SOX5: variants seen among roughly 807,000 people sequenced by gnomAD.
The protein encoded by SOX5 is SRY-box transcription factor 5.
A neutral mutation model predicts 92.0 loss-of-function variants in SOX5; 9 were observed. The ratio of observed to expected loss-of-function variants is 0.10; its 90% CI spans 0.06 to 0.17. SOX5 has a LOEUF of 0.17. Ranked by LOEUF, SOX5 falls within the 10% of genes least tolerant of loss-of-function variation. The probability of loss-of-function intolerance (pLI) is 1.00; values close to 1 mark genes in which losing one functional copy is unlikely to be tolerated. For synonymous variants in SOX5, 344 were observed against 336.3 expected (o/e 1.02, Z -0.25); for missense variants, 642 against 944.5 (o/e 0.68, Z 4.20).
At chr12:23,873,315 A>T (rs2096894322) in intron 2 of SOX5, among the ~76,000 whole-genome samples, 1 of 147,894 alleles carries the variant, frequency 6.8e-6, no homozygotes, top group Non-Finnish European at 1.5e-5. Flanking sequence ...CAAAAAAAAA[A>T]GCAGAAAATA....
chr12:24,299,639 T>G (rs900012436), intron 2 of SOX5, among the ~76,000 whole-genome samples: 7 of 152,206 alleles, frequency 4.6e-5, no homozygotes, highest in Non-Finnish European at 8.8e-5. Context: ...GTTTATGTGG[T>G]AGCATTTTTG....
At chr12:23,848,330 C>T (rs563523078) in intron 2 of SOX5, among the ~76,000 whole-genome samples, 4 of 152,254 alleles carry the variant, frequency 2.6e-5, no homozygotes, top group African/African-American at 9.6e-5. Flanking sequence ...CTTTCTACAC[C>T]TTTCAAAGAG....
At chr12:23,985,325 T>C (rs1949966063) in intron 4 of SOX5, among the ~76,000 whole-genome samples, 1 of 152,044 alleles carries the variant, frequency 6.6e-6, no homozygotes. Flanking sequence ...CAAGGTTCAC[T>C]GTAGCCTCAA....
intron 2 of SOX5, among the ~76,000 whole-genome samples, chr12:23,854,076 A>T (rs1221081241): frequency 2.0e-5 from 3 of 152,110 alleles, no homozygotes; most frequent in Non-Finnish European, 4.4e-5. Flanking sequence ...ATGTGTCTGA[A>T]GGAAGAAATA....
intron 4 of SOX5, among the ~76,000 whole-genome samples, chr12:24,117,399 G>T (rs1397985804): frequency 2.0e-5 from 3 of 152,116 alleles, no homozygotes; most frequent in Non-Finnish European, 4.4e-5. Context: ...AGAACAGTAT[G>T]GAGGTTCCTC....
At chr12:24,116,356 T>C (rs1377175846) in intron 4 of SOX5, among the ~76,000 whole-genome samples, 1 of 152,104 alleles carries the variant, frequency 6.6e-6, no homozygotes, top group Non-Finnish European at 1.5e-5. Flanking sequence ...ATTAAACAAA[T>C]GTAGCAATTG....
intron 4 of SOX5, among the ~76,000 whole-genome samples, chr12:23,956,951 A>T (rs1946358734): frequency 6.7e-6 from 1 of 149,992 alleles, no homozygotes; most frequent in Non-Finnish European, 1.5e-5. Flanking sequence ...TACAGGCATG[A>T]GCCACCATGC....
chr12:24,463,553 T>C (rs887694341), intron 1 of SOX5, among the ~76,000 whole-genome samples: 1 of 152,236 alleles, frequency 6.6e-6, no homozygotes, highest in Non-Finnish European at 1.5e-5. Flanking sequence ...AATAAACCTG[T>C]GGCTTCATAA....
At chr12:24,158,889 A>G (rs1162560603) in intron 4 of SOX5, among the ~76,000 whole-genome samples, 1 of 151,894 alleles carries the variant, frequency 6.6e-6, no homozygotes, top group East Asian at 1.9e-4. Context: ...TAAATTTTTG[A>G]GATGTTCTTA....
At chr12:24,067,702 T>C (rs1441813682) in intron 4 of SOX5, among the ~76,000 whole-genome samples, 1 of 152,164 alleles carries the variant, frequency 6.6e-6, no homozygotes, top group Admixed American at 6.5e-5. Flanking sequence ...CTCTACAGCT[T>C]GCCTTTTCTT....
chr12:23,690,183 G>A (rs1158893084), intron 6 of SOX5, among the ~76,000 whole-genome samples: 1 of 152,120 alleles, frequency 6.6e-6, no homozygotes, highest in Non-Finnish European at 1.5e-5. Flanking sequence ...TTGGGAGGGG[G>A]AAGTATATTG....
chr12:23,685,634 C>A (rs1047017351), intron 6 of SOX5, among the ~76,000 whole-genome samples: 11 of 146,802 alleles, frequency 7.5e-5, no homozygotes, highest in African/African-American at 2.5e-4. Context: ...TTTGTCCCCC[C>A]CCCCAAAAAT....
chr12:24,445,286 C>T (rs75064992), intron 1 of SOX5, among the ~76,000 whole-genome samples: 3 of 152,106 alleles, frequency 2.0e-5, no homozygotes, highest in South Asian at 4.1e-4. Context: ...CTCCTTAACA[C>T]GTTAAAACAT....
chr12:23,975,825 AATAGTTTT>A (rs1275573011), intron 4 of SOX5, among the ~76,000 whole-genome samples: 3 of 152,206 alleles, frequency 2.0e-5, no homozygotes, highest in African/African-American at 7.2e-5. Context: ...AAAGGAAGTC[AATAGTTTT>A]ATACTCTGTG....
chr12:24,018,671 C>T (rs983309943), intron 4 of SOX5, among the ~76,000 whole-genome samples: 6 of 152,052 alleles, frequency 3.9e-5, no homozygotes, highest in Admixed American at 2.0e-4. Context: ...GTGGCATGTG[C>T]CAATAATCCC....
intron 4 of SOX5, among the ~76,000 whole-genome samples, chr12:24,204,676 G>A (rs1367403913): frequency 2.0e-5 from 3 of 152,088 alleles, no homozygotes; most frequent in South Asian, 2.1e-4. Flanking sequence ...GATTAATTCC[G>A]AAAAGTGGCA....
intron 2 of SOX5, among the ~76,000 whole-genome samples, chr12:24,296,706 A>C (rs1947285411): frequency 6.6e-6 from 1 of 152,014 alleles, no homozygotes; most frequent in Admixed American, 6.6e-5. Context: ...AGTAATATGG[A>C]ATCACTCTCC....
chr12:24,503,763 G>C (rs1948455147), intron 1 of SOX5, among the ~76,000 whole-genome samples: 1 of 152,124 alleles, frequency 6.6e-6, no homozygotes, highest in Non-Finnish European at 1.5e-5. Flanking sequence ...TCATAAGTGG[G>C]AGTTGAACAA....
intron 1 of SOX5, among the ~76,000 whole-genome samples, chr12:24,401,693 GC>G (rs1178745366): frequency 8.0e-6 from 1 of 124,348 alleles, no homozygotes; most frequent in East Asian, 2.5e-4. Flanking sequence ...GGATGACAGA[GC>G]CAGACCCTAT....
Sources: gnomAD v4.1 joint callset for allele counts (sites outside exome capture counted in the v4.1 genomes callset) on GRCh38, gnomAD v4.1.1 for gene constraint, MANE v1.5 for transcripts, NCBI Gene and HGNC (gene_info 2026-07-23, HGNC 2026-07-21) for gene names.